WWTR1: variants seen among roughly 807,000 people sequenced by gnomAD.
WWTR1 encodes the protein WW domain containing transcription regulator 1, also known as WW domain-containing transcription regulator protein 1.
In WWTR1, 13 loss-of-function variants were observed where a neutral mutation model predicts 40.1. That is an observed-to-expected ratio of 0.32 (90% CI 0.21 to 0.52). The LOEUF is 0.52. WWTR1 is among the 20% of genes least tolerant of loss of function. The pLI, the probability that WWTR1 is intolerant of heterozygous loss-of-function variation, is 0.97. For missense variants in WWTR1, 436 were observed against 523.1 expected, an observed-to-expected ratio of 0.83 and a Z score of 1.63; for synonymous variants, 230 against 210.1, an observed-to-expected ratio of 1.09 and a Z score of -0.82.
At chr3:149,719,640 A>G (rs1715709188) in intron 4 of WWTR1, among the ~76,000 whole-genome samples, 1 of 152,226 alleles carries the variant, frequency 6.6e-6, no homozygotes, top group Non-Finnish European at 1.5e-5. Flanking sequence ...TGAGTATGGC[A>G]CTGCTGGATC....
Position 149,542,548 on chromosome 3 carries a change from GA to G in WWTR1, c.569-12del. The G allele has an allele frequency of 1.2e-6, 2 of 1,602,986 alleles. No homozygotes were observed. The highest frequency in any genetic ancestry group is 1.7e-6 in the Non-Finnish European group (2 of 1,173,416). On this transcript the variant is annotated splice_polypyrimidine_tract_variant and intron_variant, in intron 3 of 6. Coordinates refer to ENST00000360632, the MANE Select transcript of WWTR1 (RefSeq NM_015472.6). ...GTTGGTGATTCATCACTGCAAGAGGGAAGAACATACAGATTAATGACCAGGG... is the reference window on the plus strand; with the variant it reads ...GTTGGTGATTCATCACTGCAAGAGGGAGAACATACAGATTAATGACCAGGG...
At chr3:149,622,342 T>C (rs1156893700) in intron 2 of WWTR1, among the ~76,000 whole-genome samples, 1 of 151,996 alleles carries the variant, frequency 6.6e-6, no homozygotes, top group Non-Finnish European at 1.5e-5. Flanking sequence ...GTCAAAGTAA[T>C]TTATTAGAGA....
intron 2 of WWTR1, among the ~76,000 whole-genome samples, chr3:149,652,623 A>G (rs1437719500): frequency 3.6e-5 from 1 of 27,566 alleles, no homozygotes; most frequent in African/African-American, 1.7e-4. Flanking sequence ...CCCATCTCAA[A>G]AAAAAAAAAA....
At chr3:149,690,201 A>G (rs566133208) in intron 1 of WWTR1, among the ~76,000 whole-genome samples, 38 of 152,312 alleles carry the variant, frequency 2.5e-4, no homozygotes, top group African/African-American at 6.5e-4. Context: ...AAAGGAAGAC[A>G]GAAAAGAAGG....
chr3:149,555,830 G>A (rs1162977779), intron 3 of WWTR1, among the ~76,000 whole-genome samples: 1 of 152,150 alleles, frequency 6.6e-6, no homozygotes, highest in African/African-American at 2.4e-5. Flanking sequence ...GGAGATTATC[G>A]TCTAACGAAA....
Position 149,566,019 on chromosome 3 carries a change from T to C in WWTR1, c.568+6845A>G, listed in dbSNP as rs1425487288. On this transcript the variant is annotated intron_variant, in intron 3 of 6. Coordinates refer to ENST00000360632, the MANE Select transcript of WWTR1 (RefSeq NM_015472.6). Reference sequence around the variant, plus strand: ...TGATTAACTAGAGTGTATTTGACAATAGATAGCTTCCTCAAAATCTAAGAA... The same window carrying C: ...TGATTAACTAGAGTGTATTTGACAACAGATAGCTTCCTCAAAATCTAAGAA... 2.7e-5 allele frequency among the ~76,000 whole-genome samples: 4 copies of C among 148,448 alleles called. No homozygotes were observed. The South Asian group carries it at 8.5e-4, about 31-fold the overall frequency.
chr3:149,581,395 A>C (rs1342707677), intron 2 of WWTR1, among the ~76,000 whole-genome samples: 1 of 152,156 alleles, frequency 6.6e-6, no homozygotes, highest in Non-Finnish European at 1.5e-5. Flanking sequence ...CTCTTCACAC[A>C]GCAGAAATGT....
intron 2 of WWTR1, among the ~76,000 whole-genome samples, chr3:149,615,623 G>A (rs1333677476): frequency 1.3e-5 from 2 of 152,148 alleles, no homozygotes; most frequent in African/African-American, 4.8e-5. Flanking sequence ...AAGCTCTATT[G>A]GAATGGCTAC....
At chr3:149,594,604 A>G (rs144622625) in intron 2 of WWTR1, among the ~76,000 whole-genome samples, 2 of 152,218 alleles carry the variant, frequency 1.3e-5, no homozygotes, top group East Asian at 3.9e-4. Flanking sequence ...GTTAAGACGA[A>G]AAACAAACAA....
At chr3:149,612,809 C>T (rs1379858867) in intron 2 of WWTR1, among the ~76,000 whole-genome samples, 1 of 152,180 alleles carries the variant, frequency 6.6e-6, no homozygotes, top group African/African-American at 2.4e-5. Context: ...TAACCATGAA[C>T]ATCGTCTCCT....
intron 1 of WWTR1, among the ~76,000 whole-genome samples, chr3:149,679,862 T>C (rs1714397300): frequency 6.6e-6 from 1 of 152,228 alleles, no homozygotes; most frequent in Non-Finnish European, 1.5e-5. Flanking sequence ...ATTTCCCAAT[T>C]TTCCAGGGCT....
At chr3:149,634,702 C>T (rs1711723230) in intron 2 of WWTR1, among the ~76,000 whole-genome samples, 1 of 152,228 alleles carries the variant, frequency 6.6e-6, no homozygotes, top group African/African-American at 2.4e-5. Flanking sequence ...GCAAGTCCAC[C>T]TCTCCTGTGG....
intron 2 of WWTR1, among the ~76,000 whole-genome samples, chr3:149,592,657 T>C (rs981687304): frequency 6.6e-5 from 10 of 152,234 alleles, no homozygotes; most frequent in African/African-American, 2.2e-4. Context: ...AATTTCCATA[T>C]AGCTTGAAAT....
intron 1 of WWTR1, among the ~76,000 whole-genome samples, chr3:149,678,118 T>C (rs1297696932): frequency 2.0e-5 from 3 of 152,176 alleles, no homozygotes; most frequent in Non-Finnish European, 2.9e-5. Flanking sequence ...CTAACATCAT[T>C]GGCAAATGTA....
Position 149,520,827 on chromosome 3 carries a change from T to A in WWTR1, c.1181A>T (p.Glu394Val). The A allele has an allele frequency of 6.2e-7, 1 of 1,601,322 alleles. No individual in the cohort carries two copies. The highest frequency in any genetic ancestry group is 8.5e-7 in the Non-Finnish European group (1 of 1,175,468). ...NDVESALNKS[E>V]PFLTWL ...TGATTACAGCCAGGTTAGAAAGGGC[T>A]CACTTTTGTTCAGAGCAGACTCTAC... Residue 394 changes from glutamate (E) to valine (V), a missense_variant, in exon 7 of 7, where the codon GAG becomes GTG. Physicochemically the swap from Glu to Val is moderately radical, Grantham distance 121. Coordinates refer to ENST00000360632, the MANE Select transcript of WWTR1 (RefSeq NM_015472.6).
chr3:149,549,236 T>C (rs1736507673), intron 3 of WWTR1, among the ~76,000 whole-genome samples: 1 of 152,130 alleles, frequency 6.6e-6, no homozygotes, highest in Admixed American at 6.5e-5. Flanking sequence ...GGGGGCAACA[T>C]TACTGTGCAA....
intron 4 of WWTR1, among the ~76,000 whole-genome samples, chr3:149,539,798 C>CA (rs1736003353): frequency 6.6e-6 from 1 of 151,882 alleles, no homozygotes; most frequent in South Asian, 2.1e-4. Flanking sequence ...CAAAAGAGTT[C>CA]AAAAAATCCA....
intron 2 of WWTR1, among the ~76,000 whole-genome samples, chr3:149,641,557 A>T (rs144810014): frequency 8.5e-5 from 13 of 152,376 alleles, no homozygotes; most frequent in African/African-American, 3.1e-4. Context: ...AACAAAAAGC[A>T]CTGTGGCAAA....
At chr3:149,722,192 T>C (rs567850560) in intron 4 of WWTR1, among the ~76,000 whole-genome samples, 7 of 152,254 alleles carry the variant, frequency 4.6e-5, no homozygotes, top group Admixed American at 3.9e-4. Flanking sequence ...CAGATTTCTC[T>C]ATTATTCTTC....
Sources: allele counts gnomAD v4.1 joint callset (sites outside exome capture counted in the v4.1 genomes callset), GRCh38; gene constraint gnomAD v4.1.1; transcripts MANE v1.5; gene names NCBI Gene and HGNC (gene_info 2026-07-23, HGNC 2026-07-21).